Variants in BRINP3 observed in about 807,000 individuals in gnomAD.
BRINP3 encodes BMP/retinoic acid-inducible neural-specific protein 3.
BRINP3 carries 19 observed loss-of-function variants against 71.0 expected under a neutral mutation model. The ratio of observed to expected loss-of-function variants is 0.27; its 90% CI spans 0.19 to 0.39. The LOEUF (loss-of-function observed/expected upper bound fraction) is 0.39. Among genes scored for constraint, BRINP3 ranks in the 10% least tolerant of loss-of-function variants. The probability of loss-of-function intolerance (pLI) is 1.00; values close to 1 mark genes in which losing one functional copy is unlikely to be tolerated. For synonymous variants in BRINP3, 380 were observed against 337.7 expected, an observed-to-expected ratio of 1.13 and a Z score of -1.37; for missense variants, 959 against 940.8, an observed-to-expected ratio of 1.02 and a Z score of -0.25.
chr1:190,270,962 A>G (rs935760423), intron 3 of BRINP3, among the ~76,000 whole-genome samples: 10 of 151,608 alleles, frequency 6.6e-5, no homozygotes, highest in Non-Finnish European at 1.2e-4. Flanking sequence ...ATTTTCTTCA[A>G]TTGAGTAATA....
intron 1 of BRINP3, among the ~76,000 whole-genome samples, chr1:190,460,254 A>G (rs1571371867): frequency 6.6e-6 from 1 of 150,598 alleles, no homozygotes; most frequent in East Asian, 1.9e-4. Context: ...AGAATTATTT[A>G]TTATAAAATA....
At chr1:190,188,554 G>A (rs1249475612) in intron 6 of BRINP3, among the ~76,000 whole-genome samples, 2 of 152,070 alleles carry the variant, frequency 1.3e-5, no homozygotes, top group Admixed American at 6.6e-5. Flanking sequence ...TATTAGTTGA[G>A]AGCTGAGAGA....
At chr1:190,181,912 T>C (rs1328842096) in intron 6 of BRINP3, among the ~76,000 whole-genome samples, 10 of 152,046 alleles carry the variant, frequency 6.6e-5, no homozygotes, top group African/African-American at 1.9e-4. Flanking sequence ...GTGACAAAAT[T>C]ATCTTAGTTT....
intron 2 of BRINP3, among the ~76,000 whole-genome samples, chr1:190,410,326 T>C (rs529800622): frequency 6.6e-6 from 1 of 152,258 alleles, no homozygotes; most frequent in South Asian, 2.1e-4. Context: ...TTGCCTGTCA[T>C]TAAGATATGG....
chr1:190,219,123 T>A (rs1410529807), intron 6 of BRINP3, among the ~76,000 whole-genome samples: 3 of 152,098 alleles, frequency 2.0e-5, no homozygotes, highest in Non-Finnish European at 4.4e-5. Flanking sequence ...GGAGCAAGCA[T>A]ATTTAACTAT....
intron 2 of BRINP3, chr1:190,302,592 CTTAA>C (rs985824423): frequency 1.6e-4 from 24 of 151,940 alleles, no homozygotes; most frequent in African/African-American, 5.8e-4. Context: ...CTTTGTCCAA[CTTAA>C]TTATTCAACC....
intron 2 of BRINP3, among the ~76,000 whole-genome samples, chr1:190,304,396 T>C (rs1664948572): frequency 6.6e-6 from 1 of 151,736 alleles, no homozygotes; most frequent in Non-Finnish European, 1.5e-5. Flanking sequence ...TACGAAGATA[T>C]ATTAACCCAA....
At chr1:190,302,866 T>C (rs1439171051) in intron 2 of BRINP3, 3 of 151,882 alleles carry the variant, frequency 2.0e-5, no homozygotes, top group Non-Finnish European at 4.4e-5. Context: ...AGCTTCTGTC[T>C]AGTGAATACT....
At chr1:190,412,938 A>C (rs563906415) in intron 2 of BRINP3, among the ~76,000 whole-genome samples, 1 of 152,278 alleles carries the variant, frequency 6.6e-6, no homozygotes, top group South Asian at 2.1e-4. Context: ...AATAGGAAGG[A>C]AGGCAGGCAA....
At chr1:190,235,898 A>C (rs1175082978) in intron 4 of BRINP3, among the ~76,000 whole-genome samples, 3 of 151,964 alleles carry the variant, frequency 2.0e-5, no homozygotes, top group African/African-American at 7.2e-5. Flanking sequence ...ATTACTGTTG[A>C]CACCTCTCAC....
At chr1:190,375,726 T>G (rs1670143680) in intron 2 of BRINP3, among the ~76,000 whole-genome samples, 1 of 151,994 alleles carries the variant, frequency 6.6e-6, no homozygotes. Flanking sequence ...GTATGGAAAT[T>G]CAATTTTAAA....
intron 2 of BRINP3, among the ~76,000 whole-genome samples, chr1:190,386,676 T>A (rs1472275265): frequency 1.3e-5 from 2 of 151,856 alleles, no homozygotes; most frequent in Non-Finnish European, 2.9e-5. Context: ...CTTCATCTTT[T>A]GAGCTTGGAT....
chr1:190,321,647 A>G (rs1265133003), intron 2 of BRINP3, among the ~76,000 whole-genome samples: 1 of 152,092 alleles, frequency 6.6e-6, no homozygotes, highest in Non-Finnish European at 1.5e-5. Flanking sequence ...TTTGGGTATT[A>G]TTTACTCATC....
intron 2 of BRINP3, among the ~76,000 whole-genome samples, chr1:190,309,704 T>C (rs941442311): frequency 6.6e-6 from 1 of 151,772 alleles, no homozygotes; most frequent in Non-Finnish European, 1.5e-5. Flanking sequence ...CAAAGAATCA[T>C]TTGTGAGAAA....
chr1:190,183,793 A>T (rs1417611703), intron 6 of BRINP3, among the ~76,000 whole-genome samples: 1 of 152,100 alleles, frequency 6.6e-6, no homozygotes, highest in Non-Finnish European at 1.5e-5. Context: ...CTATCATACC[A>T]CCACAATAGG....
intron 2 of BRINP3, among the ~76,000 whole-genome samples, chr1:190,429,666 C>T (rs1400743232): frequency 3.3e-5 from 5 of 150,690 alleles, no homozygotes; most frequent in Admixed American, 3.3e-4. Context: ...TCTCAGCTCA[C>T]TGCAACCTCC....
intron 4 of BRINP3, among the ~76,000 whole-genome samples, chr1:190,239,054 G>A (rs998755993): frequency 6.6e-6 from 1 of 152,122 alleles, no homozygotes; most frequent in Non-Finnish European, 1.5e-5. Context: ...AGGTGAAAGA[G>A]AGCGAGGAAG....
intron 2 of BRINP3, among the ~76,000 whole-genome samples, chr1:190,294,457 G>A (rs902293762): frequency 6.6e-6 from 1 of 151,712 alleles, no homozygotes; most frequent in African/African-American, 2.4e-5. Flanking sequence ...TCACTTTGTT[G>A]CCCATGCTGG....
chr1:190,389,148 A>G (rs1671090780), intron 2 of BRINP3, among the ~76,000 whole-genome samples: 1 of 151,828 alleles, frequency 6.6e-6, no homozygotes, highest in African/African-American at 2.4e-5. Context: ...TTAAACACAT[A>G]TAATAAAAAT....
Sources: gnomAD v4.1 joint callset for allele counts (sites outside exome capture counted in the v4.1 genomes callset) on GRCh38, gnomAD v4.1.1 for gene constraint, MANE v1.5 for transcripts, NCBI Gene and HGNC (gene_info 2026-07-23, HGNC 2026-07-21) for gene names.